The following DIO1 variants were observed in gnomAD, a reference collection of about 807,000 sequenced individuals.
DIO1 encodes iodothyronine deiodinase 1, also known as type I iodothyronine deiodinase.
A neutral mutation model predicts 25.9 loss-of-function variants in DIO1; 17 were observed. The observed-to-expected ratio is 0.66, with a 90% CI of 0.45 to 0.98. The LOEUF (loss-of-function observed/expected upper bound fraction) is 0.98, where lower values mean the gene tolerates loss of function less well. Among genes scored for constraint, DIO1 ranks in the 50% least tolerant of loss-of-function variants. The probability of loss-of-function intolerance (pLI) is 0.00; values close to 1 mark genes in which losing one functional copy is unlikely to be tolerated. For synonymous variants in DIO1, 115 were observed against 114.0 expected (o/e 1.01, Z -0.05); for missense variants, 270 against 310.4 (o/e 0.87, Z 0.98).
At chr1:53,895,255 T>C (rs1349770905) in intron 1 of DIO1, among the ~76,000 whole-genome samples, 5 of 152,262 alleles carry the variant, frequency 3.3e-5, no homozygotes, top group African/African-American at 1.2e-4. Context: ...AAACCCCGTC[T>C]CTACTAAAAA....
At chr1:53,903,051 C>T (rs1056540446) in intron 1 of DIO1, 8 of 142,386 alleles carry the variant, frequency 5.6e-5, no homozygotes, top group African/African-American at 1.9e-4. Flanking sequence ...ACTCTCCCAT[C>T]CCCAGGTGCT....
chr1:53,909,560 GA>G (rs549867251), intron 3 of DIO1, among the ~76,000 whole-genome samples: 116 of 152,330 alleles, frequency 7.6e-4, no homozygotes, highest in African/African-American at 2.8e-3. Context: ...TAGAACTGGA[GA>G]GGCAGAGATG....
At chr1:53,908,200 C>A (rs1651757978) in intron 3 of DIO1, among the ~76,000 whole-genome samples, 3 of 150,924 alleles carry the variant, frequency 2.0e-5, no homozygotes, top group South Asian at 4.2e-4. Context: ...CCAGTCTTGG[C>A]AACAGAGCGA....
At chr1:53,898,766 G>C (rs1286490160) in intron 1 of DIO1, among the ~76,000 whole-genome samples, 1 of 134,752 alleles carries the variant, frequency 7.4e-6, no homozygotes, top group Non-Finnish European at 1.6e-5. Context: ...AAAAAAAAGA[G>C]ACATGTTGTA....
intron 2 of DIO1, among the ~76,000 whole-genome samples, chr1:53,905,285 C>T (rs573950368): frequency 6.8e-6 from 1 of 146,874 alleles, no homozygotes; most frequent in South Asian, 2.1e-4. Context: ...ATCGATCCTC[C>T]TGTCTCAGCC....
rs1051951331 is a variant in DIO1, at chr1:53,910,898, T to C, written c.*899T>C. On this transcript the variant is annotated 3_prime_UTR_variant, in exon 4 of 4. Transcript: ENST00000361921. ...TCTGATTTCTTCGCAAGTCTCTTAA[T>C]GGTCATTTGTGTTAGATTACATCAA... The C allele has an allele frequency of 6.5e-6, 1 of 152,712 alleles. No individual in the cohort carries two copies. The highest frequency in any genetic ancestry group is 2.4e-5 in the African/African-American group (1 of 41,484). The allele number at this position is 152,712 out of a possible 1,614,324, so 9.5% of individuals were successfully genotyped here.
At chr1:53,898,762 A>G (rs1160213039) in intron 1 of DIO1, among the ~76,000 whole-genome samples, 1 of 149,922 alleles carries the variant, frequency 6.7e-6, no homozygotes, top group Non-Finnish European at 1.5e-5. Flanking sequence ...AAAAAAAAAA[A>G]AGAGACATGT....
intron 3 of DIO1, among the ~76,000 whole-genome samples, chr1:53,909,388 C>T (rs969492303): frequency 2.0e-5 from 3 of 152,058 alleles, no homozygotes; most frequent in African/African-American, 4.8e-5. Flanking sequence ...TGCACTCCAG[C>T]CTGGGCAACA....
intron 1 of DIO1, among the ~76,000 whole-genome samples, chr1:53,901,011 T>TC (rs1553157981): frequency 6.2e-4 from 86 of 139,088 alleles, no homozygotes; most frequent in African/African-American, 2.2e-3. Flanking sequence ...TTTTTTTTTT[T>TC]CAGAGATAAG....
intron 3 of DIO1, among the ~76,000 whole-genome samples, chr1:53,906,888 A>C (rs1020308735): frequency 4.6e-5 from 7 of 152,202 alleles, no homozygotes; most frequent in Non-Finnish European, 1.0e-4. Context: ...TCCTGGCCTC[A>C]AGTGATCTGC....
At chr1:53,909,606 G>C (rs960851972) in intron 3 of DIO1, among the ~76,000 whole-genome samples, 6 of 152,186 alleles carry the variant, frequency 3.9e-5, no homozygotes, top group East Asian at 1.9e-4. Flanking sequence ...TTGATGTGAA[G>C]GCTGGAGAAG....
intron 2 of DIO1, 93 bp downstream of exon 2, chr1:53,904,902 G>A: frequency 7.2e-7 from 1 of 1,379,610 alleles, no homozygotes; most frequent in Non-Finnish European, 9.9e-7. Flanking sequence ...GGAGGTGGAA[G>A]GAGGAAGAGG....
intron 3 of DIO1, among the ~76,000 whole-genome samples, chr1:53,909,603 G>A (rs553546263): frequency 6.6e-6 from 1 of 152,202 alleles, no homozygotes. Context: ...AACTTGATGT[G>A]AAGGCTGGAG....
Position 53,910,808 on chromosome 1 carries a change from AAAC to A in DIO1, c.*812_*814del, listed in dbSNP as rs1330191416. On this transcript the variant is annotated 3_prime_UTR_variant, in exon 4 of 4. Coordinates refer to ENST00000361921, the MANE Select transcript of DIO1 (RefSeq NM_000792.7). ...CCAAAAGCATAACCTTGACCAAACC[AAAC>A]AATAGGCACCAGCAATGCTGTCATT... The A allele has an allele frequency of 6.6e-6, 1 of 152,504 alleles. No homozygotes were observed. The highest frequency in any genetic ancestry group is 2.4e-5 in the African/African-American group (1 of 41,474). 9.4% of individuals were successfully genotyped at this position (152,504 alleles called of 1,614,324 possible).
rs377060126 is a variant in DIO1 at position 53,894,430 on chromosome 1, G to A, written c.220G>A (p.Val74Ile). The A allele has an allele frequency of 1.6e-5, 26 of 1,614,086 alleles. No homozygotes were observed. The African/African-American group carries it at 2.0e-4, about 12-fold the overall frequency. The change falls in exon 1 of 4, where the codon GTC (valine) becomes ATC (isoleucine). Residue 74 changes from valine to isoleucine, a missense_variant. By Grantham distance (29) the Val-to-Ile change is conservative. Coordinates refer to ENST00000361921, the MANE Select transcript of DIO1 (RefSeq NM_000792.7). This position sits in a 1 kb window ranked among gnomAD's most constrained non-coding sequence, Gnocchi z 4.9. ...TTTCAGCACCCAGTATTTCTGGTTC[G>A]TCTTGAAGGTCCGTTGGCAGCGACT... is the stretch of plus-strand genomic sequence containing the variant. ...TFFSTQYFWF[V>I]LKVRWQRLED...
chr1:53,896,406 T>TG (rs1651083501), intron 1 of DIO1, among the ~76,000 whole-genome samples: 1 of 151,798 alleles, frequency 6.6e-6, no homozygotes, highest in Non-Finnish European at 1.5e-5. Flanking sequence ...TTTGTAGAGG[T>TG]GGGGTTTCAC....
At chr1:53,907,134 G>A (rs554969905) in intron 3 of DIO1, among the ~76,000 whole-genome samples, 4 of 152,338 alleles carry the variant, frequency 2.6e-5, no homozygotes, top group Non-Finnish European at 5.9e-5. Flanking sequence ...GTCTCAAGGG[G>A]AATGGAACCC....
At chr1:53,904,175 A>G (rs1467984341) in intron 1 of DIO1, among the ~76,000 whole-genome samples, 1 of 152,210 alleles carries the variant, frequency 6.6e-6, no homozygotes, top group African/African-American at 2.4e-5. Flanking sequence ...GGATGAGGAA[A>G]CTGAAGTGCT....
chr1:53,905,965 T>A, intron 2 of DIO1, 130 bp from the exon 3 acceptor site: 1 of 808,244 alleles, frequency 1.2e-6, no homozygotes, highest in Non-Finnish European at 2.0e-6. Flanking sequence ...CATTCAACCA[T>A]AATGGGAAAC....
Sources: gnomAD v4.1 joint callset for allele counts (sites outside exome capture counted in the v4.1 genomes callset) on GRCh38, gnomAD v4.1.1 for gene constraint, Gnocchi (gnomAD v3.1) non-coding constraint, MANE v1.5 for transcripts, NCBI Gene and HGNC (gene_info 2026-07-23, HGNC 2026-07-21) for gene names.